Variants in DNAJB12 observed in about 807,000 individuals in gnomAD.
The protein encoded by DNAJB12 is DnaJ heat shock protein family (Hsp40) member B12, also known as dnaJ homolog subfamily B member 12.
In DNAJB12, 14 loss-of-function variants were observed where a neutral mutation model predicts 40.6. The observed-to-expected ratio is 0.34, with a 90% CI of 0.23 to 0.54. The LOEUF (loss-of-function observed/expected upper bound fraction) is 0.54. DNAJB12 is among the 20% of genes least tolerant of loss of function. DNAJB12 has a pLI of 0.92. For missense variants in DNAJB12, 444 were observed against 501.7 expected (o/e 0.89, Z 1.10); for synonymous variants, 181 against 199.5 (o/e 0.91, Z 0.78).
rs757691921 is a variant in DNAJB12 at position 72,338,240 on chromosome 10, G to A, written c.795C>T (p.Leu265=). The A allele has an allele frequency of 6.2e-7, 1 of 1,614,106 alleles. No homozygotes were observed. Among genetic ancestry groups the A allele is most frequent in the Non-Finnish European group, 8.5e-7 (1 of 1,180,004 alleles). The change falls in exon 6 of 9, where the codon CTC becomes CTT. Residue 265 remains leucine (L), a synonymous_variant. Transcript: ENST00000444643. ...ILILVSALSQ[L]MVSSPPYSLS... ...GACTGTAGGGTGGACTGGAGACCAT[G>A]AGCTGGCTGAGAGCTGACACGAGAA...
chr10:72,338,381 G>T, intron 5 of DNAJB12, 70 bp from the exon 6 acceptor site: 1 of 1,305,266 alleles, frequency 7.7e-7, no homozygotes, highest in Non-Finnish European at 1.1e-6. Context: ...ATCACCACTA[G>T]CTCCCCTAGA....
At position 72,353,405 on chromosome 10, in the gene DNAJB12, C is replaced by T. The variant is rs1025765768; in HGVS notation, c.133+1360G>A. 4 of 152,442 alleles carry T rather than the reference C, an allele frequency of 2.6e-5. No individual in the cohort carries two copies. In the East Asian group the frequency reaches 7.7e-4, roughly 29 times the overall value. 9.4% of individuals were successfully genotyped at this position (152,442 alleles called of 1,614,324 possible). ...AAGGGGAGGCAAACAGGCCAAAGAT[C>T]AACCTGCAAGAGTCCGGAGGGAGGA... On this transcript the variant is annotated intron_variant, in intron 1 of 8. Coordinates refer to ENST00000444643, the MANE Select transcript of DNAJB12 (RefSeq NM_017626.7).
At chr10:72,350,326 G>A (rs1861902018) in intron 1 of DNAJB12, among the ~76,000 whole-genome samples, 1 of 150,210 alleles carries the variant, frequency 6.7e-6, no homozygotes, top group Non-Finnish European at 1.5e-5. Flanking sequence ...TTGGGCCTGG[G>A]TGGTTGAGGC....
intron 1 of DNAJB12, among the ~76,000 whole-genome samples, chr10:72,346,205 C>T (rs1173121467): frequency 6.6e-6 from 1 of 152,068 alleles, no homozygotes; most frequent in Non-Finnish European, 1.5e-5. Context: ...ACTCTGTTGC[C>T]CAGGCTGGAG....
Position 72,343,492 on chromosome 10 carries a change from A to C in DNAJB12, c.331T>G (p.Tyr111Asp). The C allele has an allele frequency of 6.2e-7, 1 of 1,614,096 alleles. No homozygotes were observed. Among genetic ancestry groups the C allele is most frequent in the Non-Finnish European group, 8.5e-7 (1 of 1,180,022 alleles). ...CTGCTCACCCCCAGGATCTCATAGT[A>C]ATCTTTACATTGCTTGACCCTGGGG... ...AVKRVKQCKD[Y>D]YEILGVSRGA... The change falls in exon 3 of 9, where the codon TAC (tyrosine) becomes GAC (aspartate). Residue 111 changes from tyrosine to aspartate, a missense_variant. Physicochemically the swap from Tyr to Asp is radical, Grantham distance 160. Transcript: ENST00000444643.
intron 6 of DNAJB12, 60 bp downstream of exon 6, chr10:72,338,142 T>G: frequency 7.0e-7 from 1 of 1,435,194 alleles, no homozygotes; most frequent in Admixed American, 1.7e-5. Flanking sequence ...AGGCCCCTGA[T>G]GGGGCTGAGA....
At chr10:72,350,612 CTT>C (rs1861912537) in intron 1 of DNAJB12, among the ~76,000 whole-genome samples, 1 of 152,160 alleles carries the variant, frequency 6.6e-6, no homozygotes, top group Non-Finnish European at 1.5e-5. Flanking sequence ...CTGACCGTGA[CTT>C]TGTTAGTAAG....
At chr10:72,342,134 C>T (rs1372373648) in intron 3 of DNAJB12, among the ~76,000 whole-genome samples, 2 of 152,208 alleles carry the variant, frequency 1.3e-5, no homozygotes, top group South Asian at 4.1e-4. Context: ...GACTCCTCCA[C>T]TTCTGGTGAT....
chr10:72,343,179 C>G (rs1365659045), intron 3 of DNAJB12, among the ~76,000 whole-genome samples, 187 bp downstream of exon 3: 1 of 152,254 alleles, frequency 6.6e-6, no homozygotes. Context: ...CTCTGACCAA[C>G]TCTACATAGC....
intron 8 of DNAJB12, 164 bp from the exon 9 acceptor site, chr10:72,334,781 G>C: frequency 7.2e-7 from 1 of 1,393,534 alleles, no homozygotes; most frequent in East Asian, 2.9e-5. Context: ...GCAGCACAGA[G>C]GCAGGCACAA....
intron 5 of DNAJB12, among the ~76,000 whole-genome samples, chr10:72,340,393 AC>A (rs1468383119): frequency 5.3e-5 from 8 of 152,114 alleles, no homozygotes; most frequent in Non-Finnish European, 1.0e-4. Flanking sequence ...AATAGCTGAG[AC>A]CCATGAAAAA....
At position 72,336,882 on chromosome 10, in the gene DNAJB12, C is replaced by T. The variant is rs1861493617; in HGVS notation, c.834-186G>A. ...GAGGAAAAGGCAGCGTCCTCCCACA[C>T]ACGTGGCCCAGACCGCAGGACGCCC... is the stretch of plus-strand genomic sequence containing the variant. On this transcript the variant is annotated intron_variant, in intron 6 of 8. Transcript: ENST00000444643. 3 of 522,798 alleles carry T rather than the reference C, an allele frequency of 5.7e-6. No homozygotes were observed. In the South Asian group the frequency reaches 8.5e-5, roughly 15 times the overall value. 32.4% of individuals were successfully genotyped at this position (522,798 alleles called of 1,614,324 possible).
chr10:72,353,330 C>G, intron 1 of DNAJB12: 1 of 152,228 alleles, frequency 6.6e-6, no homozygotes, highest in Non-Finnish European at 1.5e-5. Flanking sequence ...GGAGGCTCCT[C>G]GAGCAGGTTA....
At chr10:72,342,486 G>T (rs1297840205) in intron 3 of DNAJB12, among the ~76,000 whole-genome samples, 1 of 152,162 alleles carries the variant, frequency 6.6e-6, no homozygotes, top group African/African-American at 2.4e-5. Context: ...CATTCAACAG[G>T]GCTACCTTGC....
chr10:72,350,908 A>C (rs1395466517), intron 1 of DNAJB12, among the ~76,000 whole-genome samples: 1 of 152,192 alleles, frequency 6.6e-6, no homozygotes, highest in East Asian at 1.9e-4. Context: ...GGACCTCGCC[A>C]GCACCAGAAC....
Position 72,336,450 on chromosome 10 carries a change from T to C in DNAJB12, c.1006+74A>G, listed in dbSNP as rs1861475846. The stretch of plus-strand genomic sequence containing the variant: ...TCAGAGCACAGGGTGAGCAGGGCTC[T>C]CTCCTTCCCCTGCTTTCCAGCTTCA... On this transcript the variant is annotated intron_variant, in intron 7 of 8. Transcript: ENST00000444643. 7 of 1,493,664 alleles carry C rather than the reference T, an allele frequency of 4.7e-6. No homozygotes were observed. The South Asian group carries it at 8.6e-5, about 18-fold the overall frequency. The allele number at this position is 1,493,664 out of a possible 1,614,324, so 92.5% of individuals were successfully genotyped here. A position where few individuals can be genotyped will look rare whatever the true frequency, so the allele number is the denominator to read the frequency against.
chr10:72,341,307 CT>C (rs1209008895), intron 3 of DNAJB12, 137 bp from the exon 4 acceptor site: 1 of 833,918 alleles, frequency 1.2e-6, no homozygotes, highest in Non-Finnish European at 1.8e-6. Flanking sequence ...GGGCAGGAAG[CT>C]TGGCCAGTGT....
intron 3 of DNAJB12, among the ~76,000 whole-genome samples, chr10:72,341,664 G>A (rs1861643200): frequency 6.6e-6 from 1 of 152,060 alleles, no homozygotes; most frequent in African/African-American, 2.4e-5. Flanking sequence ...TAGAGATGAG[G>A]TCTTGCCAAG....
intron 2 of DNAJB12, among the ~76,000 whole-genome samples, chr10:72,344,070 G>C (rs1477848632): frequency 6.6e-6 from 1 of 152,094 alleles, no homozygotes; most frequent in Non-Finnish European, 1.5e-5. Context: ...TGAGTCTTGA[G>C]TGGGTAACAT....
Sources: gnomAD v4.1 joint callset for allele counts (sites outside exome capture counted in the v4.1 genomes callset) on GRCh38, gnomAD v4.1.1 for gene constraint, MANE v1.5 for transcripts, NCBI Gene and HGNC (gene_info 2026-07-23, HGNC 2026-07-21) for gene names.